Variants in NPSR1 observed in about 807,000 individuals in gnomAD.
NPSR1 encodes the protein neuropeptide S receptor.
In NPSR1, 48 loss-of-function variants were observed where a neutral mutation model predicts 46.9. The ratio of observed to expected loss-of-function variants is 1.02; its 90% CI spans 0.81 to 1.30. The LOEUF (loss-of-function observed/expected upper bound fraction) is 1.30, where lower values mean the gene tolerates loss of function less well. Ranked by LOEUF, NPSR1 falls within the 50% of genes most tolerant of loss-of-function variation. NPSR1 has a pLI of 0.00. For synonymous variants in NPSR1, 176 were observed against 168.1 expected, an observed-to-expected ratio of 1.05 and a Z score of -0.36; for missense variants, 450 against 449.5, an observed-to-expected ratio of 1.00 and a Z score of -0.01.
chr7:34,664,160 C>T (rs1047074561), intron 1 of NPSR1, among the ~76,000 whole-genome samples: 2 of 152,190 alleles, frequency 1.3e-5, no homozygotes, highest in African/African-American at 4.8e-5. Context: ...TGAGCTTTCT[C>T]CATCATTTCA....
At chr7:34,877,404 C>A in intron 8 of NPSR1, among the ~76,000 whole-genome samples, 1 of 152,216 alleles carries the variant, frequency 6.6e-6, no homozygotes, top group East Asian at 1.9e-4. Flanking sequence ...GAAGACAAGA[C>A]AAGGGCTTCT....
chr7:34,858,647 A>T (rs1791110712), intron 8 of NPSR1, among the ~76,000 whole-genome samples: 1 of 151,886 alleles, frequency 6.6e-6, no homozygotes, highest in African/African-American at 2.4e-5. Flanking sequence ...ATCATGGCAG[A>T]AGGCAAGGAG....
intron 3 of NPSR1, among the ~76,000 whole-genome samples, chr7:34,795,661 C>A (rs577772898): frequency 5.3e-5 from 8 of 152,040 alleles, no homozygotes; most frequent in Non-Finnish European, 1.2e-4. Flanking sequence ...TCTGCATTAG[C>A]ACACCTGAAA....
At chr7:34,765,023 A>T (rs1786364866) in intron 2 of NPSR1, among the ~76,000 whole-genome samples, 1 of 152,120 alleles carries the variant, frequency 6.6e-6, no homozygotes, top group Admixed American at 6.6e-5. Flanking sequence ...AAAACCCTTC[A>T]GCGTCTCAGC....
chr7:34,781,252 T>A (rs1252137961), intron 3 of NPSR1, among the ~76,000 whole-genome samples: 1 of 152,106 alleles, frequency 6.6e-6, no homozygotes, highest in East Asian at 1.9e-4. Context: ...ATTAATAGTT[T>A]CTAGAATGTA....
At chr7:34,672,619 T>C (rs1472598160) in intron 1 of NPSR1, among the ~76,000 whole-genome samples, 2 of 152,184 alleles carry the variant, frequency 1.3e-5, no homozygotes, top group Admixed American at 6.5e-5. Context: ...AGAGTAGAAA[T>C]GACTAATGCA....
chr7:34,819,949 G>A (rs924307773), intron 4 of NPSR1, among the ~76,000 whole-genome samples: 3 of 152,220 alleles, frequency 2.0e-5, no homozygotes, highest in East Asian at 1.9e-4. Context: ...GAGGGATAGC[G>A]TTAGCAGAAA....
chr7:34,700,933 G>T lies in NPSR1; in HGVS notation c.280+16249G>T, dbSNP rs1793796008. On this transcript the variant is annotated intron_variant, in intron 2 of 8. Coordinates refer to ENST00000360581, the MANE Select transcript of NPSR1 (RefSeq NM_207172.2). ...TGCTATAGTTATTTCATTCACTGTA[G>T]AAATGATTAATTTAAACTCCTTCAA... Among the ~76,000 whole-genome samples, 3 of 152,180 alleles carry T rather than the reference G, an allele frequency of 2.0e-5. No homozygotes were observed. The South Asian group carries it at 6.2e-4, about 31-fold the overall frequency.
chr7:34,838,955 G>A (rs1329083873), intron 6 of NPSR1, among the ~76,000 whole-genome samples: 2 of 152,144 alleles, frequency 1.3e-5, no homozygotes, highest in Admixed American at 1.3e-4. Context: ...TGGTGGATAT[G>A]ATCCATGCTA....
chr7:34,869,054 T>C (rs1338798469), intron 8 of NPSR1, among the ~76,000 whole-genome samples: 9 of 151,842 alleles, frequency 5.9e-5, no homozygotes, highest in Middle Eastern at 3.4e-3. Flanking sequence ...AAAGGAAAGA[T>C]GTTGCATGCA....
At chr7:34,700,034 C>T (rs1340354870) in intron 2 of NPSR1, among the ~76,000 whole-genome samples, 1 of 152,134 alleles carries the variant, frequency 6.6e-6, no homozygotes, top group Non-Finnish European at 1.5e-5. Context: ...AAAACACATA[C>T]TTAAATTAAC....
At chr7:34,792,927 C>T (rs1788005463) in intron 3 of NPSR1, among the ~76,000 whole-genome samples, 1 of 150,454 alleles carries the variant, frequency 6.6e-6, no homozygotes, top group African/African-American at 2.4e-5. Flanking sequence ...GTGGCTCATG[C>T]TTATAATACC....
At chr7:34,710,511 T>G (rs1055703206) in intron 2 of NPSR1, among the ~76,000 whole-genome samples, 4 of 152,178 alleles carry the variant, frequency 2.6e-5, no homozygotes, top group African/African-American at 9.7e-5. Context: ...CTTTCCAGAA[T>G]AGATGAATCT....
chr7:34,686,383 A>G (rs898069), intron 2 of NPSR1, among the ~76,000 whole-genome samples: 47,173 of 152,016 alleles, frequency 0.31, 8,952 homozygotes, highest in African/African-American at 0.55. Flanking sequence ...GAATTTATAT[A>G]TTATTGAAAT....
At chr7:34,777,539 C>G (rs988813728) in intron 2 of NPSR1, among the ~76,000 whole-genome samples, 3 of 150,162 alleles carry the variant, frequency 2.0e-5, no homozygotes, top group Admixed American at 1.3e-4. Context: ...GAAGTTAAAA[C>G]CAAGCACTAT....
At chr7:34,799,610 C>A (rs969613822) in intron 3 of NPSR1, among the ~76,000 whole-genome samples, 4 of 149,786 alleles carry the variant, frequency 2.7e-5, no homozygotes, top group African/African-American at 9.9e-5. Context: ...CACTGCAAAA[C>A]CATGACAAAA....
intron 8 of NPSR1, among the ~76,000 whole-genome samples, chr7:34,873,431 G>GA (rs910824942): frequency 2.0e-5 from 3 of 151,642 alleles, no homozygotes; most frequent in Non-Finnish European, 2.9e-5. Context: ...AATTTATAGA[G>GA]AAAAAAAGCT....
Position 34,737,829 on chromosome 7 carries a change from T to C in NPSR1, c.281-40633T>C, listed in dbSNP as rs528744808. On this transcript the variant is annotated intron_variant, in intron 2 of 8. Transcript: ENST00000360581. ...TGTACTTAGGGACATCATCATGTCT[T>C]GGGGCTTTTAAAGTGTCTCTACACG... 9.9e-5 allele frequency among the ~76,000 whole-genome samples: 15 copies of C among 152,284 alleles called. No homozygotes were observed. The South Asian group carries it at 3.1e-3, about 32-fold the overall frequency.
At chr7:34,660,097 A>G (rs1319843519) in intron 1 of NPSR1, 1 of 456,698 alleles carries the variant, frequency 2.2e-6, no homozygotes, top group Non-Finnish European at 4.4e-6. Context: ...CTTGCTCTCT[A>G]TGAGTGTTTG....
Sources: gnomAD v4.1 joint callset for allele counts (sites outside exome capture counted in the v4.1 genomes callset) on GRCh38, gnomAD v4.1.1 for gene constraint, MANE v1.5 for transcripts, NCBI Gene and HGNC (gene_info 2026-07-23, HGNC 2026-07-21) for gene names.